SNX9: variants seen among roughly 807,000 people sequenced by gnomAD.
The protein encoded by SNX9 is sorting nexin-9.
In SNX9, 44 loss-of-function variants were observed where a neutral mutation model predicts 89.4. That is an observed-to-expected ratio of 0.49 (90% CI 0.39 to 0.63). The LOEUF is 0.63. Ranked by LOEUF, SNX9 falls within the 30% of genes least tolerant of loss-of-function variation. The pLI is 0.00. For synonymous variants in SNX9, 236 were observed against 247.8 expected (o/e 0.95, Z 0.45); for missense variants, 578 against 736.1 (o/e 0.79, Z 2.49).
chr6:157,876,554 C>T (rs1345939683), intron 4 of SNX9, among the ~76,000 whole-genome samples: 1 of 152,216 alleles, frequency 6.6e-6, no homozygotes, highest in Non-Finnish European at 1.5e-5. Flanking sequence ...TGTAGACATT[C>T]TGAATTACAA....
At chr6:157,919,817 T>C (rs11753210) in intron 9 of SNX9, among the ~76,000 whole-genome samples, 33,764 of 152,072 alleles carry the variant, frequency 0.22, 3,834 homozygotes, top group Non-Finnish European at 0.24. Flanking sequence ...AAACTGGACA[T>C]TTTTGAGAAT....
intron 4 of SNX9, among the ~76,000 whole-genome samples, chr6:157,880,514 C>G (rs1383714569): frequency 6.6e-6 from 1 of 152,200 alleles, no homozygotes; most frequent in Non-Finnish European, 1.5e-5. Flanking sequence ...TGAAATTCAT[C>G]TTCAACCGAA....
At chr6:157,831,139 C>T (rs1197304183) in intron 1 of SNX9, among the ~76,000 whole-genome samples, 1 of 152,220 alleles carries the variant, frequency 6.6e-6, no homozygotes, top group East Asian at 1.9e-4. Flanking sequence ...CCGTCCTAAT[C>T]TCAGAAGTCT....
intron 15 of SNX9, 78 bp downstream of exon 15, chr6:157,937,601 T>C: frequency 4.2e-6 from 4 of 950,488 alleles, no homozygotes; most frequent in Non-Finnish European, 6.6e-6. Flanking sequence ...GTATTGGTTT[T>C]ATATGTTTAT....
chr6:157,837,055 A>T (rs982483987), intron 1 of SNX9, among the ~76,000 whole-genome samples: 1 of 152,236 alleles, frequency 6.6e-6, no homozygotes, highest in Non-Finnish European at 1.5e-5. Flanking sequence ...GGGTGGCTGC[A>T]CTAGCATGCC....
chr6:157,936,807 T>C (rs1164841461), intron 14 of SNX9, among the ~76,000 whole-genome samples: 1 of 152,250 alleles, frequency 6.6e-6, no homozygotes, highest in African/African-American at 2.4e-5. Flanking sequence ...TACCCCAGTT[T>C]CAGGGGCTTT....
intron 5 of SNX9, among the ~76,000 whole-genome samples, chr6:157,897,594 G>A (rs912163063): frequency 3.3e-5 from 5 of 152,158 alleles, no homozygotes; most frequent in South Asian, 2.1e-4. Context: ...TGCAACCTCC[G>A]CCTCCCAGGT....
At chr6:157,931,313 A>G (rs559053290) in intron 12 of SNX9, among the ~76,000 whole-genome samples, 1 of 152,380 alleles carries the variant, frequency 6.6e-6, no homozygotes, top group Non-Finnish European at 1.5e-5. Flanking sequence ...TGATAACTGC[A>G]GCTTATAGAC....
chr6:157,880,441 CTT>C (rs976375740), intron 4 of SNX9, among the ~76,000 whole-genome samples: 1 of 152,136 alleles, frequency 6.6e-6, no homozygotes, highest in African/African-American at 2.4e-5. Flanking sequence ...TGAATTTTCT[CTT>C]TGATTTGCCC....
At position 157,862,770 on chromosome 6, in the gene SNX9, TAATA is replaced by T. The variant is rs755768432; in HGVS notation, c.13-4772_13-4769del. Among the ~76,000 whole-genome samples the T allele has an allele frequency of 1.2e-3, 181 of 152,346 alleles. 5 individuals are homozygous for T. Among genetic ancestry groups the T allele is most frequent in the Non-Finnish European group, 1.0e-3 (69 of 68,024 alleles). ...TAGTTTTTTGGTTTTCATTTTTGCT[TAATA>T]AATACAGGTAGTTCTTAGTTCTTAT... On this transcript the variant is annotated intron_variant, in intron 1 of 17. Coordinates refer to ENST00000392185, the MANE Select transcript of SNX9 (RefSeq NM_016224.5).
intron 4 of SNX9, among the ~76,000 whole-genome samples, chr6:157,888,879 C>A (rs1048667516): frequency 2.0e-5 from 3 of 152,004 alleles, no homozygotes; most frequent in African/African-American, 7.3e-5. Flanking sequence ...TGAATTCATC[C>A]CACGGGCAGT....
rs1307348290 is a variant in SNX9, at chr6:157,937,691, CAT to C, written c.1533+171_1533+172del. On this transcript the variant is annotated intron_variant, in intron 15 of 17. Coordinates refer to ENST00000392185, the MANE Select transcript of SNX9 (RefSeq NM_016224.5). The stretch of plus-strand genomic sequence containing the variant: ...TTGACATTGGTTTGGGGTGTCCTCA[CAT>C]ATGAATTCTGGTTTTCTCTCCCTTT... Among the ~76,000 whole-genome samples the C allele has an allele frequency of 2.0e-5, 3 of 152,196 alleles. No individual in the cohort carries two copies. In the East Asian group the frequency reaches 5.8e-4, roughly 29 times the overall value.
At chr6:157,919,055 C>T (rs150811903) in intron 9 of SNX9, among the ~76,000 whole-genome samples, 79 of 152,194 alleles carry the variant, frequency 5.2e-4, no homozygotes, top group African/African-American at 1.9e-3. Flanking sequence ...TCCGGTGCTG[C>T]TTATTTGTCT....
At chr6:157,851,556 A>G (rs1163597541) in intron 1 of SNX9, among the ~76,000 whole-genome samples, 4 of 151,974 alleles carry the variant, frequency 2.6e-5, no homozygotes, top group Non-Finnish European at 5.9e-5. Flanking sequence ...TCATTTGCCT[A>G]TTCTAGGTAT....
chr6:157,939,559 TGTG>T (rs757171556), intron 16 of SNX9, among the ~76,000 whole-genome samples: 12 of 152,240 alleles, frequency 7.9e-5, no homozygotes, highest in Non-Finnish European at 1.5e-4. Flanking sequence ...GGCCTAAAGA[TGTG>T]GTACTGGGGA....
At chr6:157,889,957 C>G (rs188431460) in intron 4 of SNX9, among the ~76,000 whole-genome samples, 2 of 152,300 alleles carry the variant, frequency 1.3e-5, no homozygotes, top group East Asian at 3.9e-4. Flanking sequence ...AATGTTATAG[C>G]CATTGTATAA....
chr6:157,914,650 G>C lies in SNX9; in HGVS notation c.949+4625G>C, dbSNP rs1233697849. 2.0e-5 allele frequency among the ~76,000 whole-genome samples: 3 copies of C among 151,412 alleles called. No homozygotes were observed. The East Asian group carries it at 5.8e-4, about 30-fold the overall frequency. On this transcript the variant is annotated intron_variant, in intron 9 of 17. Coordinates refer to ENST00000392185, the MANE Select transcript of SNX9 (RefSeq NM_016224.5). ...CATCAACACTTCTTGTTAATTTTTT[G>C]TATTTTTGGTAGAGACAGGATTTCA...
At chr6:157,870,410 G>T (rs1012999329) in intron 2 of SNX9, among the ~76,000 whole-genome samples, 1 of 151,164 alleles carries the variant, frequency 6.6e-6, no homozygotes, top group East Asian at 2.0e-4. Flanking sequence ...ACTGTCACCT[G>T]CTCTCACACA....
chr6:157,834,150 GT>G (rs561509955), intron 1 of SNX9, among the ~76,000 whole-genome samples: 3 of 35,642 alleles, frequency 8.4e-5, no homozygotes, highest in Non-Finnish European at 9.5e-5. Context: ...GTCCACTGTG[GT>G]TTTTTTTTTT....
Sources: gnomAD v4.1 joint callset for allele counts (sites outside exome capture counted in the v4.1 genomes callset) on GRCh38, gnomAD v4.1.1 for gene constraint, MANE v1.5 for transcripts, NCBI Gene and HGNC (gene_info 2026-07-23, HGNC 2026-07-21) for gene names.